The following LUZP2 variants were observed in gnomAD, a reference collection of about 807,000 sequenced individuals.
The protein encoded by LUZP2 is leucine zipper protein 2.
Under a neutral mutation model 51.6 loss-of-function variants are expected in LUZP2, and 52 were observed. That is an observed-to-expected ratio of 1.01 (90% CI 0.81 to 1.27). The LOEUF (loss-of-function observed/expected upper bound fraction) is 1.27, where lower values mean the gene tolerates loss of function less well. Among genes scored for constraint, LUZP2 ranks in the 50% most tolerant of loss-of-function variants. LUZP2 has a pLI of 0.00. For missense variants in LUZP2, 436 were observed against 395.4 expected (o/e 1.10, Z -0.87); for synonymous variants, 154 against 137.3 (o/e 1.12, Z -0.85).
intron 1 of LUZP2, among the ~76,000 whole-genome samples, chr11:24,620,066 C>T (rs560292713): frequency 1.2e-4 from 19 of 152,236 alleles, no homozygotes; most frequent in East Asian, 9.7e-4. Context: ...TAATGCCAGA[C>T]GTACTTTGTG....
chr11:24,892,223 T>C, intron 5 of LUZP2: 5 of 985,544 alleles, frequency 5.1e-6, no homozygotes, highest in Non-Finnish European at 6.0e-6. Flanking sequence ...TGTGTATTTC[T>C]CCCAGATTCA....
chr11:24,863,551 G>T (rs771758070), intron 5 of LUZP2, among the ~76,000 whole-genome samples: 2 of 151,838 alleles, frequency 1.3e-5, no homozygotes, highest in Non-Finnish European at 2.9e-5. Flanking sequence ...CTGGGGGGAA[G>T]GGGGAATAGG....
intron 1 of LUZP2, among the ~76,000 whole-genome samples, chr11:24,586,551 A>G (rs1037040818): frequency 6.6e-6 from 1 of 152,094 alleles, no homozygotes; most frequent in Non-Finnish European, 1.5e-5. Flanking sequence ...ATTTCAAAGA[A>G]GTAATGACCA....
Position 24,927,438 on chromosome 11 carries a change from C to T in LUZP2, c.522+12900C>T, listed in dbSNP as rs542549726. On this transcript the variant is annotated intron_variant, in intron 7 of 11. Transcript: ENST00000336930. Reference sequence around the variant, plus strand: ...TCCATCTTGAGTTGATTTTTGTATACGGTGAGAGGAGTATCCAGTTTCATT... The same window carrying T: ...TCCATCTTGAGTTGATTTTTGTATATGGTGAGAGGAGTATCCAGTTTCATT... Among the ~76,000 whole-genome samples, 14 of 151,940 alleles carry T rather than the reference C, an allele frequency of 9.2e-5. No individual in the cohort carries two copies. The South Asian group carries it at 2.3e-3, about 25-fold the overall frequency.
chr11:24,795,665 A>G (rs1224523046), intron 5 of LUZP2, among the ~76,000 whole-genome samples: 2 of 152,118 alleles, frequency 1.3e-5, no homozygotes, highest in Non-Finnish European at 2.9e-5. Flanking sequence ...CTTTGTCAGC[A>G]TGTCAGTGTC....
At chr11:24,824,042 G>A (rs531086942) in intron 5 of LUZP2, among the ~76,000 whole-genome samples, 154 of 149,712 alleles carry the variant, frequency 1.0e-3, no homozygotes, top group African/African-American at 3.4e-3. Flanking sequence ...CAGCCTGGGC[G>A]ACAGAGCGAG....
At chr11:24,602,301 CAT>C (rs1277305520) in intron 1 of LUZP2, among the ~76,000 whole-genome samples, 1 of 117,102 alleles carries the variant, frequency 8.5e-6, no homozygotes, top group African/African-American at 3.4e-5. Context: ...TATGTACATA[CAT>C]ATATACACAC....
intron 5 of LUZP2, among the ~76,000 whole-genome samples, chr11:24,898,179 C>A (rs191375658): frequency 3.3e-5 from 5 of 151,434 alleles, no homozygotes; most frequent in African/African-American, 1.2e-4. Context: ...TGAAGAGAAA[C>A]GTAAGAACTT....
intron 1 of LUZP2, among the ~76,000 whole-genome samples, chr11:24,531,317 TAAAG>T (rs1301738027): frequency 6.6e-6 from 1 of 150,728 alleles, no homozygotes; most frequent in Non-Finnish European, 1.5e-5. Context: ...AATTGCCACA[TAAAG>T]ATTCTACATA....
At chr11:24,513,884 G>T (rs1310244595) in intron 1 of LUZP2, among the ~76,000 whole-genome samples, 1 of 152,184 alleles carries the variant, frequency 6.6e-6, no homozygotes, top group Non-Finnish European at 1.5e-5. Context: ...GACAGGCTGG[G>T]AAAATAAGAG....
At chr11:24,658,753 C>G (rs1855908253) in intron 1 of LUZP2, among the ~76,000 whole-genome samples, 1 of 151,956 alleles carries the variant, frequency 6.6e-6, no homozygotes, top group African/African-American at 2.4e-5. Flanking sequence ...ATCAAAAAGT[C>G]AATGAAGGAT....
rs1447577432 is a variant in LUZP2, at chr11:24,894,422, G to A, written c.397-11569G>A. The stretch of plus-strand genomic sequence containing the variant: ...ATTCCTGACCTCAAGTGATTCACCC[G>A]CCTCGGCCTCCCAAAGTGTTGGGAT... On this transcript the variant is annotated intron_variant, in intron 5 of 11. Coordinates refer to ENST00000336930, the MANE Select transcript of LUZP2 (RefSeq NM_001009909.4). Among the ~76,000 whole-genome samples, 7 of 152,048 alleles carry A rather than the reference G, an allele frequency of 4.6e-5. No individual in the cohort carries two copies. In the East Asian group the frequency reaches 5.8e-4, roughly 13 times the overall value.
intron 5 of LUZP2, among the ~76,000 whole-genome samples, chr11:24,887,265 A>T (rs975032037): frequency 5.9e-5 from 9 of 152,188 alleles, no homozygotes; most frequent in Admixed American, 5.9e-4. Context: ...AGCATAAACA[A>T]TTCAAAAGGT....
intron 1 of LUZP2, among the ~76,000 whole-genome samples, chr11:24,651,231 C>T (rs1399372317): frequency 1.3e-5 from 2 of 152,070 alleles, no homozygotes; most frequent in Admixed American, 6.6e-5. Context: ...CAATTATGTT[C>T]AACCTGGCAT....
chr11:24,964,280 A>G (rs556497784), intron 7 of LUZP2, among the ~76,000 whole-genome samples: 19 of 152,278 alleles, frequency 1.2e-4, no homozygotes, highest in Admixed American at 6.5e-4. Context: ...TAATTACATA[A>G]TGGTGGTGAT....
intron 9 of LUZP2, among the ~76,000 whole-genome samples, chr11:25,015,345 C>G (rs992962183): frequency 1.3e-5 from 2 of 152,130 alleles, no homozygotes; most frequent in African/African-American, 4.8e-5. Context: ...CTACATATAT[C>G]AAAACAAAGA....
intron 5 of LUZP2, among the ~76,000 whole-genome samples, chr11:24,764,476 T>C (rs1281484036): frequency 1.9e-5 from 2 of 103,760 alleles, no homozygotes; most frequent in East Asian, 6.9e-4. Flanking sequence ...GACAACATGG[T>C]AAAATCTCAT....
rs188635717 is a variant in LUZP2 at position 24,759,780 on chromosome 11, C to T, written c.334-3466C>T. Among the ~76,000 whole-genome samples the T allele has an allele frequency of 7.9e-5, 12 of 152,176 alleles. No individual in the cohort carries two copies. The East Asian group carries it at 1.9e-3, about 25-fold the overall frequency. On this transcript the variant is annotated intron_variant, in intron 4 of 11. Transcript: ENST00000336930. ...GGGGGATGCACTGTTACTCTGCATA[C>T]GTGTTTAATTTTGAATGGGGTTAGG... is the stretch of plus-strand genomic sequence containing the variant.
intron 5 of LUZP2, among the ~76,000 whole-genome samples, chr11:24,881,237 C>G (rs531896695): frequency 3.3e-5 from 5 of 151,676 alleles, no homozygotes; most frequent in Admixed American, 2.0e-4. Flanking sequence ...AACTGAGATG[C>G]CTTTGGTTTA....
Sources: allele counts gnomAD v4.1 joint callset (sites outside exome capture counted in the v4.1 genomes callset), GRCh38; gene constraint gnomAD v4.1.1; transcripts MANE v1.5; gene names NCBI Gene and HGNC (gene_info 2026-07-23, HGNC 2026-07-21).